The following DST variants were observed in gnomAD, a reference collection of about 807,000 sequenced individuals.
The protein encoded by DST is dystonin.
A neutral mutation model predicts 875.2 loss-of-function variants in DST; 253 were observed. The observed-to-expected ratio is 0.29, with a 90% CI of 0.26 to 0.32. The LOEUF (loss-of-function observed/expected upper bound fraction) is 0.32, where lower values mean the gene tolerates loss of function less well. Among genes scored for constraint, DST ranks in the 10% least tolerant of loss-of-function variants. The probability of loss-of-function intolerance (pLI) is 1.00; values close to 1 mark genes in which losing one functional copy is unlikely to be tolerated. For missense variants in DST, 8,287 were observed against 9,111.6 expected (o/e 0.91, Z 3.68); for synonymous variants, 3,124 against 3,197.1 (o/e 0.98, Z 0.77).
chr6:56,616,123 A>G, intron 36 of DST: 1 of 1,614,228 alleles, frequency 6.2e-7, no homozygotes. Flanking sequence ...AATACCCTGC[A>G]ACAGGACTGT....
chr6:56,465,649 C>A (rs2094542270), intron 99 of DST, among the ~76,000 whole-genome samples: 1 of 151,992 alleles, frequency 6.6e-6, no homozygotes. Flanking sequence ...CTTTCCTCAC[C>A]TGCTCTTCAT....
At chr6:56,531,416 C>T (rs2096893732) in intron 64 of DST, among the ~76,000 whole-genome samples, 2 of 152,106 alleles carry the variant, frequency 1.3e-5, no homozygotes, top group African/African-American at 4.8e-5. Flanking sequence ...GCAGCCAGGG[C>T]ACAGCTCCCA....
intron 5 of DST, among the ~76,000 whole-genome samples, chr6:56,729,152 C>T (rs1037655327): frequency 1.3e-5 from 2 of 152,030 alleles, no homozygotes; most frequent in Non-Finnish European, 1.5e-5. Flanking sequence ...CAAGTGAGTT[C>T]GATAAGGCTA....
chr6:56,675,489 G>C (rs1366310530), intron 9 of DST, among the ~76,000 whole-genome samples: 1 of 152,106 alleles, frequency 6.6e-6, no homozygotes, highest in Non-Finnish European at 1.5e-5. Flanking sequence ...GAAAATATGT[G>C]CAAACCATTC....
intron 5 of DST, among the ~76,000 whole-genome samples, chr6:56,718,070 T>C (rs775163675): frequency 1.4e-4 from 21 of 145,666 alleles, no homozygotes; most frequent in Non-Finnish European, 2.5e-4. Context: ...CAGTGAAACC[T>C]TGTCTTAAAT....
chr6:56,904,084 T>C (rs542644602), intron 2 of DST, among the ~76,000 whole-genome samples: 1 of 152,334 alleles, frequency 6.6e-6, no homozygotes, highest in South Asian at 2.1e-4. Flanking sequence ...GGTAAAGTAC[T>C]TCAAAGAGTA....
chr6:56,556,004 T>G (rs546564879), intron 59 of DST, among the ~76,000 whole-genome samples, 164 bp from the exon 60 acceptor site: 1 of 152,288 alleles, frequency 6.6e-6, no homozygotes, highest in African/African-American at 2.4e-5. Context: ...TTCTCTTAAA[T>G]CCGAAGAGCC....
In DST at chr6:56,609,004, A is replaced by G. The variant is rs965639268; in HGVS notation, c.5624T>C (p.Ile1875Thr). The change falls in exon 40 of 104, where the codon ATA (isoleucine) becomes ACA (threonine). Residue 1875 changes from isoleucine to threonine, a missense_variant. This residue lies in a region of DST where 3,138 missense variants were observed against 3,116.6 expected (regional missense o/e 1.01). Coordinates refer to ENST00000680361, the MANE Select transcript of DST (RefSeq NM_001374736.1). ...AACCAGAGAGCCTGTAGAAAGCAGT[A>G]TCTCAAGAACTTTGATGGCCATGGA... ...TESMAIKVLEILLSTGSLVIP... is the reference protein window; with the variant it reads ...TESMAIKVLETLLSTGSLVIP... 7 of 1,613,882 alleles carry G rather than the reference A, an allele frequency of 4.3e-6. No homozygotes were observed. The highest frequency in any genetic ancestry group is 5.1e-6 in the Non-Finnish European group (6 of 1,179,774).
intron 38 of DST, 72 bp downstream of exon 38, chr6:56,611,436 C>T (rs755859925): frequency 2.7e-4 from 272 of 1,017,608 alleles, no homozygotes; most frequent in Middle Eastern, 4.0e-4. Flanking sequence ...AAATTTACCA[C>T]CTCTGTTTTG....
chr6:56,510,168 C>T (rs935277284), intron 73 of DST, among the ~76,000 whole-genome samples: 1 of 152,070 alleles, frequency 6.6e-6, no homozygotes, highest in African/African-American at 2.4e-5. Context: ...TGGACCAGGA[C>T]GACATGGCAG....
chr6:56,816,369 A>C (rs982842767), intron 4 of DST, among the ~76,000 whole-genome samples: 5 of 152,158 alleles, frequency 3.3e-5, no homozygotes, highest in Non-Finnish European at 5.9e-5. Flanking sequence ...TACTCTGAGG[A>C]GAATAGTGAG....
chr6:56,709,037 G>A (rs143312242), intron 5 of DST, among the ~76,000 whole-genome samples: 38 of 152,256 alleles, frequency 2.5e-4, no homozygotes, highest in South Asian at 1.7e-3. Flanking sequence ...AGGAAGTGAC[G>A]AGCAAAGTAA....
At chr6:56,589,928 T>C (rs556817858) in intron 49 of DST, among the ~76,000 whole-genome samples, 2 of 152,238 alleles carry the variant, frequency 1.3e-5, no homozygotes, top group Non-Finnish European at 2.9e-5. Context: ...GTATGCTACA[T>C]GTAGAAAGAT....
intron 5 of DST, 157 bp downstream of exon 5, chr6:56,735,071 A>G: frequency 1.6e-6 from 1 of 628,748 alleles, no homozygotes; most frequent in Non-Finnish European, 2.8e-6. Flanking sequence ...CACACACCAA[A>G]TAATTATAGA....
chr6:56,594,582 C>G (rs1586040261), intron 47 of DST, among the ~76,000 whole-genome samples: 1 of 152,202 alleles, frequency 6.6e-6, no homozygotes, highest in East Asian at 1.9e-4. Flanking sequence ...TTTGGACAAA[C>G]AAGTATAATA....
chr6:56,784,496 CT>C (rs1349066288), intron 4 of DST, among the ~76,000 whole-genome samples: 2 of 152,202 alleles, frequency 1.3e-5, no homozygotes, highest in African/African-American at 4.8e-5. Flanking sequence ...CGCTGATACC[CT>C]TTCTTCCAGT....
In DST at chr6:56,559,865, T is replaced by C. The variant is rs555005956; in HGVS notation, c.14440+429A>G. ...TGGGGAAGAGCATAAGAGCATAAAG[T>C]ATGGAGCAGGAGGGGTCCCAGAAGT... On this transcript the variant is annotated intron_variant, in intron 58 of 103. Coordinates refer to ENST00000680361, the MANE Select transcript of DST (RefSeq NM_001374736.1). 3.3e-5 allele frequency among the ~76,000 whole-genome samples: 5 copies of C among 152,076 alleles called. No individual in the cohort carries two copies. The East Asian group carries it at 9.7e-4, about 29-fold the overall frequency.
intron 36 of DST, chr6:56,617,053 T>G (rs781734771): frequency 1.2e-6 from 2 of 1,614,098 alleles, no homozygotes; most frequent in Admixed American, 3.3e-5. Context: ...GCCCTGCAAT[T>G]GAGGTGGCTT....
intron 4 of DST, among the ~76,000 whole-genome samples, chr6:56,786,156 TG>T (rs1192381450): frequency 6.6e-6 from 1 of 152,008 alleles, no homozygotes; most frequent in Admixed American, 6.6e-5. Flanking sequence ...GTCTTTCATT[TG>T]GGGGGGAGGG....
Sources: gnomAD v4.1 joint callset for allele counts (sites outside exome capture counted in the v4.1 genomes callset) on GRCh38, gnomAD v4.1.1 for gene constraint, gnomAD v4.1.1 regional missense constraint, MANE v1.5 for transcripts, NCBI Gene and HGNC (gene_info 2026-07-23, HGNC 2026-07-21) for gene names.